Variants in MBD5 observed in about 807,000 individuals in gnomAD.
MBD5 encodes methyl-CpG binding domain protein 5, also known as methyl-CpG-binding domain protein 5.
In MBD5, 13 loss-of-function variants were observed where a neutral mutation model predicts 117.3. The observed-to-expected ratio is 0.11, with a 90% CI of 0.07 to 0.18. The LOEUF (loss-of-function observed/expected upper bound fraction) is 0.18, where lower values mean the gene tolerates loss of function less well. Among genes scored for constraint, MBD5 ranks in the 10% least tolerant of loss-of-function variants. The probability of loss-of-function intolerance (pLI) is 1.00; values close to 1 mark genes in which losing one functional copy is unlikely to be tolerated. For missense variants in MBD5, 1,879 were observed against 2,093.8 expected, an observed-to-expected ratio of 0.90 and a Z score of 2.00; for synonymous variants, 727 against 766.4, an observed-to-expected ratio of 0.95 and a Z score of 0.85.
intron 3 of MBD5, among the ~76,000 whole-genome samples, chr2:148,299,884 C>T (rs1174907233): frequency 1.3e-5 from 2 of 152,176 alleles, no homozygotes; most frequent in African/African-American, 4.8e-5. Flanking sequence ...CCCTGAGCTC[C>T]ATTTATACTG....
chr2:148,420,951 A>G (rs1313910304), intron 4 of MBD5, among the ~76,000 whole-genome samples: 1 of 152,090 alleles, frequency 6.6e-6, no homozygotes, highest in Non-Finnish European at 1.5e-5. Flanking sequence ...CTGGTCTTGA[A>G]TTCCTGGGCT....
chr2:148,445,975 T>C (rs1037221583), intron 4 of MBD5, among the ~76,000 whole-genome samples: 2 of 151,022 alleles, frequency 1.3e-5, no homozygotes, highest in Non-Finnish European at 2.9e-5. Context: ...CACGATGGGG[T>C]TGTTTGTTTT....
intron 4 of MBD5, among the ~76,000 whole-genome samples, chr2:148,418,434 T>C (rs1486097261): frequency 2.0e-5 from 3 of 152,220 alleles, no homozygotes; most frequent in Non-Finnish European, 4.4e-5. Context: ...AAACTAACTC[T>C]GTTTGCCAAT....
At chr2:148,377,557 C>G (rs887732752) in intron 4 of MBD5, among the ~76,000 whole-genome samples, 1 of 152,200 alleles carries the variant, frequency 6.6e-6, no homozygotes, top group African/African-American at 2.4e-5. Flanking sequence ...CCTTGTATAA[C>G]TATTACACTT....
chr2:148,198,567 C>T (rs1901810), intron 2 of MBD5, among the ~76,000 whole-genome samples: 46,917 of 151,902 alleles, frequency 0.31, 8,371 homozygotes, highest in East Asian at 0.46. Context: ...ATAGTAAGTT[C>T]ATCATATATA....
rs1681452343 is a variant in MBD5 at position 148,489,576 on chromosome 2, A to G, written c.3944A>G (p.Asp1315Gly). Residue 1315 changes from aspartate (D) to glycine (G), a missense_variant, in exon 11 of 14, where the codon GAT becomes GGT. Coordinates refer to ENST00000642680, the MANE Select transcript of MBD5 (RefSeq NM_001378120.1). Reference protein sequence around the residue: ...KDGLVVGGPGDASVDAIYKAV... With the variant: ...KDGLVVGGPGGASVDAIYKAV... ...GGCCTCGTTGTGGGTGGCCCAGGTG[A>G]TGCTTCCGTAGATGCCATTTACAAA... 6.2e-7 allele frequency: 1 copy of G among 1,614,164 alleles called. No individual in the cohort carries two copies. Among genetic ancestry groups the G allele is most frequent in the Non-Finnish European group, 8.5e-7 (1 of 1,180,026 alleles).
intron 4 of MBD5, among the ~76,000 whole-genome samples, chr2:148,431,343 T>C (rs1414716598): frequency 6.6e-6 from 1 of 152,174 alleles, no homozygotes; most frequent in South Asian, 2.1e-4. Flanking sequence ...ACAACTCATA[T>C]TGGAAATCAT....
chr2:148,354,940 A>C lies in MBD5; in HGVS notation c.-557+12604A>C, dbSNP rs376336525. 2.3e-4 allele frequency among the ~76,000 whole-genome samples: 34 copies of C among 150,636 alleles called. No individual in the cohort carries two copies. The East Asian group carries it at 6.4e-3, about 29-fold the overall frequency. ...GTTCATATCCTTTGCTCACTTTTTGATGGACTTTTTCATAATTGCCATTCT... is the reference window on the plus strand; with the variant it reads ...GTTCATATCCTTTGCTCACTTTTTGCTGGACTTTTTCATAATTGCCATTCT... On this transcript the variant is annotated intron_variant, in intron 4 of 13. Transcript: ENST00000642680.
intron 3 of MBD5, among the ~76,000 whole-genome samples, chr2:148,258,145 G>A (rs1411302550): frequency 6.6e-6 from 1 of 152,114 alleles, no homozygotes; most frequent in Non-Finnish European, 1.5e-5. Flanking sequence ...TCCTGAGGCT[G>A]GTGATGTGTA....
intron 12 of MBD5, among the ~76,000 whole-genome samples, chr2:148,503,316 TC>T (rs902912708): frequency 9.9e-5 from 15 of 152,086 alleles, no homozygotes; most frequent in African/African-American, 3.1e-4. Context: ...TCCTCACATT[TC>T]CCCCCAAATA....
chr2:148,199,075 G>GC (rs1462236537), intron 2 of MBD5, among the ~76,000 whole-genome samples: 1 of 152,076 alleles, frequency 6.6e-6, no homozygotes, highest in Admixed American at 6.5e-5. Flanking sequence ...TAAGGGACTG[G>GC]CAAGTATTAA....
chr2:148,052,467 C>T (rs1694738950), intron 1 of MBD5, among the ~76,000 whole-genome samples: 1 of 152,074 alleles, frequency 6.6e-6, no homozygotes, highest in African/African-American at 2.4e-5. Flanking sequence ...GCCTTGGCCT[C>T]CCAAAGTGCT....
chr2:148,334,531 G>C (rs971264802), intron 3 of MBD5, among the ~76,000 whole-genome samples: 6 of 151,938 alleles, frequency 3.9e-5, no homozygotes, highest in Non-Finnish European at 7.4e-5. Context: ...GCAAGGTCTT[G>C]CTATGTTGCC....
intron 1 of MBD5, among the ~76,000 whole-genome samples, chr2:148,091,412 A>G (rs1388748706): frequency 1.3e-5 from 2 of 152,234 alleles, no homozygotes; most frequent in East Asian, 1.9e-4. Flanking sequence ...AAACTGTACT[A>G]CAAGGCTATA....
At chr2:148,173,995 C>CA (rs1349823418) in intron 1 of MBD5, among the ~76,000 whole-genome samples, 1 of 151,806 alleles carries the variant, frequency 6.6e-6, no homozygotes, top group Non-Finnish European at 1.5e-5. Context: ...CAATCATGAG[C>CA]AAAAAAATCA....
chr2:148,314,849 G>A (rs898059535), intron 3 of MBD5, among the ~76,000 whole-genome samples: 1 of 151,980 alleles, frequency 6.6e-6, no homozygotes, highest in African/African-American at 2.4e-5. Flanking sequence ...ACTGTTTTTA[G>A]GCATATATAT....
chr2:148,455,883 G>C (rs1706863580), intron 4 of MBD5, among the ~76,000 whole-genome samples: 1 of 152,072 alleles, frequency 6.6e-6, no homozygotes, highest in Non-Finnish European at 1.5e-5. Context: ...GGCATGAAAA[G>C]GGACTGTAAA....
At chr2:148,212,473 A>C (rs894637807) in intron 2 of MBD5, among the ~76,000 whole-genome samples, 1 of 152,182 alleles carries the variant, frequency 6.6e-6, no homozygotes, top group African/African-American at 2.4e-5. Context: ...TTATTTATTC[A>C]TCAGGTACTT....
chr2:148,115,801 T>A lies in MBD5; in HGVS notation c.-924-62899T>A, dbSNP rs532039535. On this transcript the variant is annotated intron_variant, in intron 1 of 13. Coordinates refer to ENST00000642680, the MANE Select transcript of MBD5 (RefSeq NM_001378120.1). ...ATCTCTACTGCAGTATTATAAAATATCTTTCTGTATTCTGTTCCAGAGATC... is the reference window on the plus strand; with the variant it reads ...ATCTCTACTGCAGTATTATAAAATAACTTTCTGTATTCTGTTCCAGAGATC... Among the ~76,000 whole-genome samples, 35 of 152,294 alleles carry A rather than the reference T, an allele frequency of 2.3e-4. No individual in the cohort carries two copies. In the South Asian group the frequency reaches 7.2e-3, roughly 32 times the overall value.
Sources: gnomAD v4.1 joint callset for allele counts (sites outside exome capture counted in the v4.1 genomes callset) on GRCh38, gnomAD v4.1.1 for gene constraint, MANE v1.5 for transcripts, NCBI Gene and HGNC (gene_info 2026-07-23, HGNC 2026-07-21) for gene names.